The following TTC6 variants were observed in gnomAD, a reference collection of about 807,000 sequenced individuals.
The protein encoded by TTC6 is tetratricopeptide repeat domain 6, also known as tetratricopeptide repeat protein 6.
A neutral mutation model predicts 210.4 loss-of-function variants in TTC6; 172 were observed. The observed-to-expected ratio is 0.82, with a 90% confidence interval of 0.72 to 0.93. TTC6 has a LOEUF of 0.93. TTC6 is among the 40% of genes least tolerant of loss of function. TTC6 has a pLI of 0.00. For missense variants in TTC6, 2,414 were observed against 2,318.1 expected (o/e 1.04, Z -0.85); for synonymous variants, 804 against 819.6 (o/e 0.98, Z 0.32).
chr14:37,742,659 C>T (rs1342842070), intron 10 of TTC6, among the ~76,000 whole-genome samples: 1 of 151,672 alleles, frequency 6.6e-6, no homozygotes, highest in African/African-American at 2.4e-5. Context: ...CTCAAGCAAT[C>T]CACCCACCTT....
chr14:37,735,573 A>T (rs2095899432), intron 7 of TTC6, among the ~76,000 whole-genome samples: 1 of 152,210 alleles, frequency 6.6e-6, no homozygotes. Flanking sequence ...AAAACTAGAT[A>T]TGTCTTGTTC....
intron 3 of TTC6, among the ~76,000 whole-genome samples, chr14:37,694,017 C>T (rs548094579): frequency 1.0e-4 from 15 of 147,796 alleles, no homozygotes; most frequent in African/African-American, 3.9e-4. Flanking sequence ...CAAACAAACA[C>T]TGGGGAAACT....
chr14:37,721,846 C>CTATATATATATATA (rs2095862230), intron 6 of TTC6, among the ~76,000 whole-genome samples: 2 of 36,212 alleles, frequency 5.5e-5, no homozygotes, highest in African/African-American at 8.6e-5. Flanking sequence ...GTGAGTTTCA[C>CTATATATATATATA]CATATATATA....
intron 1 of TTC6, among the ~76,000 whole-genome samples, chr14:37,597,689 G>GC (rs2095607155): frequency 6.6e-6 from 1 of 152,178 alleles, no homozygotes; most frequent in Admixed American, 6.5e-5. Flanking sequence ...TCCAGGTCAG[G>GC]GATCCCAGGT....
chr14:37,663,003 ATTT>A lies in TTC6; in HGVS notation c.940-17140_940-17138del, dbSNP rs375534221. On this transcript the variant is annotated intron_variant, in intron 1 of 30. Coordinates refer to ENST00000553443, the Ensembl canonical transcript of TTC6. ...CAGTATGGCCATTTTAATGATATTGATTTTTTTTTTATCCATGAGCATGGAATG... is the reference window on the plus strand; with the variant it reads ...CAGTATGGCCATTTTAATGATATTGATTTTTTTATCCATGAGCATGGAATG... Among the ~76,000 whole-genome samples, 49 of 149,376 alleles carry A rather than the reference ATTT, an allele frequency of 3.3e-4. No homozygotes were observed. The East Asian group carries it at 9.2e-3, about 28-fold the overall frequency.
intron 9 of TTC6, among the ~76,000 whole-genome samples, chr14:37,738,574 A>G (rs2095908386): frequency 6.6e-6 from 1 of 152,200 alleles, no homozygotes. Context: ...ATGACCAACC[A>G]AATTATTGTA....
intron 1 of TTC6, among the ~76,000 whole-genome samples, chr14:37,670,243 CTCTTTAA>C (rs1270608869): frequency 1.3e-5 from 2 of 152,098 alleles, no homozygotes; most frequent in East Asian, 3.9e-4. Context: ...CTACAGAAAG[CTCTTTAA>C]TTTTCTGTAA....
chr14:37,693,905 C>T (rs1161842677), intron 3 of TTC6, among the ~76,000 whole-genome samples: 1 of 152,008 alleles, frequency 6.6e-6, no homozygotes, highest in African/African-American at 2.4e-5. Flanking sequence ...ACCCCTATGT[C>T]TCACCATAGA....
chr14:37,776,196 G>GC, intron 14 of TTC6, among the ~76,000 whole-genome samples: 1 of 20,974 alleles, frequency 4.8e-5, no homozygotes, highest in Admixed American at 6.1e-4. Context: ...GACTACAGGC[G>GC]CCCGCCACCG....
At chr14:37,603,719 G>T (rs906966962) in intron 1 of TTC6, among the ~76,000 whole-genome samples, 8 of 152,180 alleles carry the variant, frequency 5.3e-5, no homozygotes, top group African/African-American at 1.2e-4. Context: ...TCTCCCTAGG[G>T]CTGGCAGGCT....
intron 1 of TTC6, among the ~76,000 whole-genome samples, chr14:37,669,647 T>C (rs2095754679): frequency 6.6e-6 from 1 of 152,212 alleles, no homozygotes; most frequent in South Asian, 2.1e-4. Context: ...TAATAGACTT[T>C]TGTCTTTCTA....
intron 2 of TTC6, among the ~76,000 whole-genome samples, chr14:37,607,617 C>CTTTTTTTT (rs71433907): frequency 2.9e-5 from 4 of 140,226 alleles, no homozygotes; most frequent in African/African-American, 2.6e-5. Context: ...AGTATTTAGT[C>CTTTTTTTT]TTTTTTTTTT....
At chr14:37,737,265 C>G (rs2095904258) in intron 8 of TTC6, among the ~76,000 whole-genome samples, 1 of 151,980 alleles carries the variant, frequency 6.6e-6, no homozygotes, top group African/African-American at 2.4e-5. Context: ...AGGTGACTGT[C>G]CAGGGGCTCC....
intron 26 of TTC6, among the ~76,000 whole-genome samples, chr14:37,820,204 A>G (rs1412876763): frequency 6.6e-6 from 1 of 152,088 alleles, no homozygotes. Flanking sequence ...TTCCTGGTCT[A>G]TTGGTGCAGG....
intron 18 of TTC6, among the ~76,000 whole-genome samples, chr14:37,795,715 A>G (rs1413086002): frequency 3.3e-5 from 5 of 152,156 alleles, no homozygotes; most frequent in Non-Finnish European, 7.4e-5. Context: ...TGTGTACTAA[A>G]CACAAACCTC....
intron 4 of TTC6, among the ~76,000 whole-genome samples, chr14:37,698,209 A>C (rs1048334127): frequency 6.6e-6 from 1 of 152,120 alleles, no homozygotes; most frequent in Non-Finnish European, 1.5e-5. Flanking sequence ...TTTTTCTTTA[A>C]TCAATTTTCA....
chr14:37,703,593 A>G (rs2095829686), intron 5 of TTC6, among the ~76,000 whole-genome samples: 1 of 152,152 alleles, frequency 6.6e-6, no homozygotes, highest in Admixed American at 6.6e-5. Flanking sequence ...TGCAATGATC[A>G]GTTAACTTCA....
intron 1 of TTC6, among the ~76,000 whole-genome samples, chr14:37,623,216 G>A (rs1352536718): frequency 6.6e-6 from 1 of 152,166 alleles, no homozygotes; most frequent in Admixed American, 6.5e-5. Context: ...TTTTCAAAGT[G>A]AAGGAAACTG....
At chr14:37,757,670 A>G (rs1340516073) in intron 14 of TTC6, among the ~76,000 whole-genome samples, 1 of 151,974 alleles carries the variant, frequency 6.6e-6, no homozygotes, top group Non-Finnish European at 1.5e-5. Flanking sequence ...AGGGTTTTTC[A>G]TGTCTCTACC....
Sources: gnomAD v4.1 joint callset for allele counts (sites outside exome capture counted in the v4.1 genomes callset) on GRCh38, gnomAD v4.1.1 for gene constraint, MANE v1.5 for transcripts, NCBI Gene and HGNC (gene_info 2026-07-23, HGNC 2026-07-21) for gene names.